The following PATJ variants were observed in gnomAD, a reference collection of about 807,000 sequenced individuals.
The protein encoded by PATJ is PATJ crumbs cell polarity complex component, also known as inaD-like protein.
Under a neutral mutation model 224.9 loss-of-function variants are expected in PATJ, and 190 were observed. That is an observed-to-expected ratio of 0.84 (90% CI 0.75 to 0.95). PATJ has a LOEUF of 0.95. Ranked by LOEUF, PATJ falls within the 40% of genes least tolerant of loss-of-function variation. PATJ has a pLI of 0.00. For synonymous variants in PATJ, 769 were observed against 820.3 expected (o/e 0.94, Z 1.07); for missense variants, 2,121 against 2,270.3 (o/e 0.93, Z 1.34).
chr1:62,015,173 G>A (rs970264884), intron 28 of PATJ, among the ~76,000 whole-genome samples: 7 of 151,552 alleles, frequency 4.6e-5, no homozygotes, highest in African/African-American at 1.5e-4. Flanking sequence ...GCTTGGTGGC[G>A]GGCACCTGTA....
At chr1:62,057,471 T>C (rs555336672) in intron 31 of PATJ, among the ~76,000 whole-genome samples, 1 of 152,192 alleles carries the variant, frequency 6.6e-6, no homozygotes, top group Non-Finnish European at 1.5e-5. Context: ...CCCAGTTCAC[T>C]GTAGCCGCAG....
At chr1:61,756,001 C>T (rs1320267918) in intron 1 of PATJ, among the ~76,000 whole-genome samples, 1 of 152,140 alleles carries the variant, frequency 6.6e-6, no homozygotes, top group Non-Finnish European at 1.5e-5. Context: ...GGGGTTTCTC[C>T]ATGTTGGTCT....
intron 30 of PATJ, among the ~76,000 whole-genome samples, chr1:62,049,937 A>G (rs746940450): frequency 1.5e-4 from 23 of 151,986 alleles, no homozygotes; most frequent in Non-Finnish European, 2.6e-4. Flanking sequence ...TTGCCAACAC[A>G]GCAAAACCCC....
chr1:62,051,679 C>A (rs528929993), intron 31 of PATJ, among the ~76,000 whole-genome samples: 1 of 152,216 alleles, frequency 6.6e-6, no homozygotes, highest in East Asian at 1.9e-4. Context: ...AAGGCCAGAG[C>A]TGTGCTTAAT....
At chr1:62,098,125 C>T (rs959570955) in intron 33 of PATJ, among the ~76,000 whole-genome samples, 4 of 151,526 alleles carry the variant, frequency 2.6e-5, no homozygotes, top group East Asian at 2.0e-4. Context: ...TTTAGGAGGC[C>T]GAGGCAGGTG....
At chr1:61,946,979 T>C (rs1415694576) in intron 27 of PATJ, among the ~76,000 whole-genome samples, 2 of 152,156 alleles carry the variant, frequency 1.3e-5, no homozygotes, top group African/African-American at 4.8e-5. Context: ...CATGATTATC[T>C]CAATAGATTC....
At chr1:62,155,813 T>C (rs994440597) in intron 43 of PATJ, among the ~76,000 whole-genome samples, 5 of 151,366 alleles carry the variant, frequency 3.3e-5, no homozygotes, top group Non-Finnish European at 7.4e-5. Flanking sequence ...ATCCCAGCAC[T>C]TTGGGAGGCC....
chr1:61,771,084 C>G (rs1183496329), intron 5 of PATJ, among the ~76,000 whole-genome samples: 2 of 151,940 alleles, frequency 1.3e-5, no homozygotes, highest in Non-Finnish European at 2.9e-5. Flanking sequence ...GGGTAGAGAT[C>G]AGATTGGAAG....
At chr1:62,044,598 A>G (rs375300327) in intron 30 of PATJ, among the ~76,000 whole-genome samples, 4 of 152,248 alleles carry the variant, frequency 2.6e-5, no homozygotes, top group Non-Finnish European at 4.4e-5. Flanking sequence ...AATATCTTCA[A>G]TACAAACAAG....
At chr1:62,083,310 C>G (rs1198799342) in intron 32 of PATJ, among the ~76,000 whole-genome samples, 1 of 152,084 alleles carries the variant, frequency 6.6e-6, no homozygotes, top group Non-Finnish European at 1.5e-5. Flanking sequence ...TTAGTAGAGA[C>G]GAGGTTTCAC....
chr1:61,775,920 G>A (rs984290517), intron 7 of PATJ, among the ~76,000 whole-genome samples: 5 of 152,078 alleles, frequency 3.3e-5, no homozygotes, highest in South Asian at 4.1e-4. Flanking sequence ...CTGAAGCCAC[G>A]TAATAATAAG....
intron 27 of PATJ, among the ~76,000 whole-genome samples, chr1:61,931,013 A>AT (rs1200663492): frequency 9.9e-5 from 15 of 151,638 alleles, no homozygotes; most frequent in African/African-American, 2.7e-4. Flanking sequence ...TAATTTTTTT[A>AT]TTTTTTTTGT....
chr1:62,097,775 T>C (rs1198141215), intron 33 of PATJ, among the ~76,000 whole-genome samples: 1 of 152,160 alleles, frequency 6.6e-6, no homozygotes, highest in African/African-American at 2.4e-5. Context: ...TAAAACAGAG[T>C]CTGACTCCAG....
chr1:61,747,152 G>T (rs577623589), intron 1 of PATJ, among the ~76,000 whole-genome samples: 1 of 152,106 alleles, frequency 6.6e-6, no homozygotes, highest in Non-Finnish European at 1.5e-5. Context: ...TTGAGAAACG[G>T]GACCAATCTA....
At chr1:62,090,122 C>A (rs895516812) in intron 33 of PATJ, among the ~76,000 whole-genome samples, 1 of 152,136 alleles carries the variant, frequency 6.6e-6, no homozygotes, top group African/African-American at 2.4e-5. Flanking sequence ...AGGGAGATCT[C>A]ACTTAGCATC....
intron 43 of PATJ, among the ~76,000 whole-genome samples, chr1:62,154,834 C>T (rs541361627): frequency 5.9e-5 from 9 of 152,180 alleles, no homozygotes; most frequent in Non-Finnish European, 1.2e-4. Flanking sequence ...ACCCTTTAGT[C>T]ATTTGGCATT....
intron 28 of PATJ, among the ~76,000 whole-genome samples, chr1:62,007,870 C>A (rs1320350040): frequency 6.6e-6 from 1 of 152,180 alleles, no homozygotes; most frequent in East Asian, 1.9e-4. Context: ...AAAGGCCCCA[C>A]GTCCAAATAC....
At chr1:61,924,239 G>A (rs996585744) in intron 26 of PATJ, among the ~76,000 whole-genome samples, 2 of 151,494 alleles carry the variant, frequency 1.3e-5, no homozygotes, top group Non-Finnish European at 2.9e-5. Context: ...GTGGTGGTAC[G>A]AGCTTGTAAT....
At chr1:61,836,751 CAAAGG>C (rs1660239805) in intron 17 of PATJ, among the ~76,000 whole-genome samples, 1 of 152,108 alleles carries the variant, frequency 6.6e-6, no homozygotes, top group African/African-American at 2.4e-5. Context: ...CAAGGCCAGG[CAAAGG>C]GTTTAGCAAA....
Sources: gnomAD v4.1 joint callset for allele counts (sites outside exome capture counted in the v4.1 genomes callset) on GRCh38, gnomAD v4.1.1 for gene constraint, MANE v1.5 for transcripts, NCBI Gene and HGNC (gene_info 2026-07-23, HGNC 2026-07-21) for gene names.